LTBP1: variants seen among roughly 807,000 people sequenced by gnomAD.
The protein encoded by LTBP1 is latent-transforming growth factor beta-binding protein 1.
In LTBP1, 129 loss-of-function variants were observed where a neutral mutation model predicts 207.6. The ratio of observed to expected loss-of-function variants is 0.62; its 90% confidence interval spans 0.54 to 0.72. LTBP1 has a LOEUF of 0.72. LTBP1 is among the 30% of genes least tolerant of loss of function. The pLI, the probability that LTBP1 is intolerant of heterozygous loss-of-function variation, is 0.00. For synonymous variants in LTBP1, 963 were observed against 833.7 expected (o/e 1.16, Z -2.67); for missense variants, 2,281 against 2,217.2 (o/e 1.03, Z -0.58).
chr2:32,994,147 CAT>C (rs146012247), intron 2 of LTBP1, among the ~76,000 whole-genome samples: 11,661 of 152,140 alleles, frequency 0.077, 467 homozygotes, highest in Middle Eastern at 0.11. Flanking sequence ...AGTGCTAAAA[CAT>C]AAAGGGTGAA....
chr2:33,363,470 T>A lies in LTBP1; in HGVS notation c.4351T>A (p.Tyr1451Asn). The change falls in exon 29 of 34, where the codon TAC (tyrosine) becomes AAC (asparagine). Residue 1451 changes from tyrosine (Y) to asparagine (N), a missense_variant. By Grantham distance (143) the Tyr-to-Asn change is moderately radical. Coordinates refer to ENST00000404816, the MANE Select transcript of LTBP1 (RefSeq NM_206943.4). The stretch of plus-strand genomic sequence containing the variant: ...GAACACTCGGCCTGGGTATGAATGC[T>A]ACTGTAAGCAAGGGACGTACTATGA... ...CLNTRPGYEC[Y>N]CKQGTYYDPV... is the part of the protein sequence containing the mutation. 1 of 1,613,950 alleles carries A rather than the reference T, an allele frequency of 6.2e-7. No homozygotes were observed. The highest frequency in any genetic ancestry group is 1.1e-5 in the South Asian group (1 of 91,070).
In LTBP1 at chr2:33,275,952, A is replaced by G. The variant is rs747194044; in HGVS notation, c.2992+29A>G. 3.2e-6 allele frequency: 5 copies of G among 1,543,144 alleles called. No individual in the cohort carries two copies. In the East Asian group the frequency reaches 9.2e-5, roughly 28 times the overall value. Reference sequence around the variant, plus strand: ...AGTCAGCTGAGAGTGTTCAGCACACATGACGGTGATGTGCAGGGTTGGTAG... The same window carrying G: ...AGTCAGCTGAGAGTGTTCAGCACACGTGACGGTGATGTGCAGGGTTGGTAG... On this transcript the variant is annotated intron_variant, in intron 18 of 33. Transcript: ENST00000404816.
chr2:33,387,735 G>GTT (rs1275878993), intron 31 of LTBP1, among the ~76,000 whole-genome samples: 2 of 43,988 alleles, frequency 4.5e-5, no homozygotes, highest in Non-Finnish European at 7.4e-5. Context: ...GCCTTGGTGG[G>GTT]GTTTTTTTTT....
chr2:33,201,748 A>G (rs2089308127), intron 7 of LTBP1, among the ~76,000 whole-genome samples: 1 of 152,216 alleles, frequency 6.6e-6, no homozygotes, highest in Admixed American at 6.5e-5. Context: ...AAGGACTGGT[A>G]GTTGATGTGG....
chr2:33,343,164 G>T (rs1160672976), intron 25 of LTBP1, among the ~76,000 whole-genome samples: 2 of 152,132 alleles, frequency 1.3e-5, no homozygotes, highest in East Asian at 3.8e-4. Flanking sequence ...CACTTTGGGA[G>T]GCCAAGGTTG....
intron 19 of LTBP1, among the ~76,000 whole-genome samples, chr2:33,281,899 C>T (rs964246581): frequency 2.2e-4 from 34 of 151,908 alleles, no homozygotes; most frequent in African/African-American, 8.2e-4. Flanking sequence ...ATAAATAATC[C>T]AGGAGCAGAG....
chr2:32,990,187 C>T (rs145884652), intron 2 of LTBP1, among the ~76,000 whole-genome samples: 4 of 152,316 alleles, frequency 2.6e-5, no homozygotes, highest in African/African-American at 7.2e-5. Context: ...GCTTATTGTA[C>T]TCTATCGATA....
intron 9 of LTBP1, among the ~76,000 whole-genome samples, chr2:33,228,090 C>T (rs893964150): frequency 2.0e-5 from 3 of 152,058 alleles, no homozygotes; most frequent in East Asian, 3.9e-4. Context: ...CAGGCATGAG[C>T]CACCACGCCC....
intron 3 of LTBP1, among the ~76,000 whole-genome samples, chr2:33,070,116 A>G (rs1380043375): frequency 1.3e-5 from 2 of 152,182 alleles, no homozygotes; most frequent in Non-Finnish European, 2.9e-5. Context: ...TCTTAACACC[A>G]GTCATCATGG....
intron 33 of LTBP1, among the ~76,000 whole-genome samples, chr2:33,397,931 G>T (rs184766966): frequency 6.6e-6 from 1 of 152,118 alleles, no homozygotes; most frequent in East Asian, 1.9e-4. Flanking sequence ...TTTCAAGTGA[G>T]TGAGAGCCTA....
intron 19 of LTBP1, among the ~76,000 whole-genome samples, chr2:33,290,897 G>A (rs563730270): frequency 6.6e-6 from 1 of 152,270 alleles, no homozygotes; most frequent in African/African-American, 2.4e-5. Flanking sequence ...AGAGAAATCT[G>A]GGCCAACGAT....
chr2:33,169,337 C>G (rs2085221331), intron 5 of LTBP1, among the ~76,000 whole-genome samples: 1 of 152,144 alleles, frequency 6.6e-6, no homozygotes, highest in South Asian at 2.1e-4. Context: ...CATTATGTCT[C>G]TCTCCCCCTC....
Position 33,398,550 on chromosome 2 carries a change from G to A in LTBP1, c.*5G>A. On this transcript the variant is annotated 3_prime_UTR_variant, in exon 34 of 34. Coordinates refer to ENST00000404816, the MANE Select transcript of LTBP1 (RefSeq NM_206943.4). ...AAAGACAGTGACCTGGAGTGAAACA[G>A]AATCTACATAACCTAAGCCCATATA... is the stretch of plus-strand genomic sequence containing the variant. 2 of 1,612,930 alleles carry A rather than the reference G, an allele frequency of 1.2e-6. No homozygotes were observed. Among genetic ancestry groups the A allele is most frequent in the East Asian group, 4.5e-5 (2 of 44,878 alleles).
intron 31 of LTBP1, among the ~76,000 whole-genome samples, chr2:33,373,420 T>C (rs1347667146): frequency 3.9e-5 from 6 of 152,206 alleles, no homozygotes; most frequent in African/African-American, 1.4e-4. Flanking sequence ...ATGGATTTTG[T>C]TTAATGCCTA....
chr2:33,191,000 C>A (rs1481433675), intron 7 of LTBP1, among the ~76,000 whole-genome samples: 6 of 152,190 alleles, frequency 3.9e-5, no homozygotes, highest in Non-Finnish European at 8.8e-5. Context: ...TTATACACTT[C>A]ACAGCTTTGC....
At chr2:33,095,721 A>G (rs1252146760) in intron 3 of LTBP1, among the ~76,000 whole-genome samples, 1 of 152,120 alleles carries the variant, frequency 6.6e-6, no homozygotes, top group African/African-American at 2.4e-5. Context: ...TTAATGAAAC[A>G]AAAGATGGGG....
At chr2:33,372,748 T>C (rs1402096587) in intron 31 of LTBP1, among the ~76,000 whole-genome samples, 2 of 152,092 alleles carry the variant, frequency 1.3e-5, no homozygotes, top group African/African-American at 4.8e-5. Flanking sequence ...CCTGCAATCC[T>C]AGCTACTCTG....
intron 3 of LTBP1, among the ~76,000 whole-genome samples, chr2:33,053,448 T>A (rs2076841986): frequency 6.6e-6 from 1 of 152,168 alleles, no homozygotes; most frequent in South Asian, 2.1e-4. Context: ...CATTATAGTA[T>A]CATAATGAGT....
chr2:32,964,638 A>C (rs912804599), intron 2 of LTBP1, among the ~76,000 whole-genome samples: 3 of 152,196 alleles, frequency 2.0e-5, no homozygotes, highest in African/African-American at 7.2e-5. Flanking sequence ...TATAAAGGCC[A>C]CAGTTCTAAG....
Sources: allele counts gnomAD v4.1 joint callset (sites outside exome capture counted in the v4.1 genomes callset), GRCh38; gene constraint gnomAD v4.1.1; transcripts MANE v1.5; gene names NCBI Gene and HGNC (gene_info 2026-07-23, HGNC 2026-07-21).